ATP8A2: variants seen among roughly 807,000 people sequenced by gnomAD.
ATP8A2 encodes ATPase phospholipid transporting 8A2.
A neutral mutation model predicts 165.6 loss-of-function variants in ATP8A2; 100 were observed. That is an observed-to-expected ratio of 0.60 (90% confidence interval 0.51 to 0.71). ATP8A2 has a LOEUF of 0.71. Ranked by LOEUF, ATP8A2 falls within the 30% of genes least tolerant of loss-of-function variation. The pLI is 0.00. For missense variants in ATP8A2, 1,227 were observed against 1,479.5 expected (o/e 0.83, Z 2.80); for synonymous variants, 543 against 548.8 (o/e 0.99, Z 0.15).
intron 2 of ATP8A2, among the ~76,000 whole-genome samples, chr13:25,509,983 C>T (rs1348623606): frequency 2.6e-5 from 4 of 152,188 alleles, no homozygotes; most frequent in Non-Finnish European, 5.9e-5. Flanking sequence ...GAAAACACTG[C>T]TATGCTGGCT....
intron 25 of ATP8A2, among the ~76,000 whole-genome samples, chr13:25,759,357 C>G (rs996608649): frequency 3.9e-5 from 6 of 152,148 alleles, no homozygotes; most frequent in Non-Finnish European, 7.3e-5. Context: ...TGCATGAGCT[C>G]ACGATGCCTG....
intron 16 of ATP8A2, among the ~76,000 whole-genome samples, chr13:25,566,477 A>G (rs1321643050): frequency 6.6e-6 from 1 of 152,250 alleles, no homozygotes; most frequent in East Asian, 1.9e-4. Context: ...GAGGGTAACC[A>G]CAAAGGTGGG....
At chr13:25,810,493 G>A (rs1415761884) in intron 27 of ATP8A2, among the ~76,000 whole-genome samples, 1 of 150,268 alleles carries the variant, frequency 6.7e-6, no homozygotes, top group African/African-American at 2.4e-5. Context: ...TAAACATCTT[G>A]AGGGCAGAGA....
chr13:25,737,927 G>A (rs547765984), intron 25 of ATP8A2, among the ~76,000 whole-genome samples: 5 of 152,196 alleles, frequency 3.3e-5, no homozygotes, highest in South Asian at 4.1e-4. Flanking sequence ...CTCGTGATCC[G>A]CCCCTCTCGG....
chr13:25,911,038 T>G (rs769684136), intron 33 of ATP8A2, among the ~76,000 whole-genome samples: 2 of 152,020 alleles, frequency 1.3e-5, no homozygotes, highest in Non-Finnish European at 2.9e-5. Context: ...GGACCCAAGC[T>G]GTTTGCTTCA....
chr13:25,853,068 T>G (rs1332155509), intron 30 of ATP8A2, among the ~76,000 whole-genome samples: 1 of 152,044 alleles, frequency 6.6e-6, no homozygotes, highest in Non-Finnish European at 1.5e-5. Context: ...TGCTTAGAAC[T>G]GTGTAAAGTG....
intron 33 of ATP8A2, among the ~76,000 whole-genome samples, chr13:25,899,839 G>A (rs1399857116): frequency 5.9e-5 from 9 of 152,204 alleles, no homozygotes; most frequent in Non-Finnish European, 1.0e-4. Context: ...AAAATGACAT[G>A]CTCTGATGTC....
intron 25 of ATP8A2, among the ~76,000 whole-genome samples, chr13:25,746,628 G>A (rs1192229385): frequency 6.6e-6 from 1 of 152,178 alleles, no homozygotes; most frequent in Non-Finnish European, 1.5e-5. Context: ...GGGAAAGCTG[G>A]TGATCCCACA....
At chr13:25,672,421 C>T (rs1163826810) in intron 24 of ATP8A2, among the ~76,000 whole-genome samples, 2 of 152,098 alleles carry the variant, frequency 1.3e-5, no homozygotes, top group Non-Finnish European at 2.9e-5. Context: ...TGTTGTCTTG[C>T]TGGCAGAGTC....
intron 10 of ATP8A2, among the ~76,000 whole-genome samples, chr13:25,545,272 A>G (rs2038611790): frequency 6.6e-6 from 1 of 152,096 alleles, no homozygotes; most frequent in African/African-American, 2.4e-5. Context: ...GATCAGGATT[A>G]TTTAGTGTAT....
At chr13:25,522,129 C>G (rs2037691357) in intron 2 of ATP8A2, among the ~76,000 whole-genome samples, 1 of 152,010 alleles carries the variant, frequency 6.6e-6, no homozygotes, top group African/African-American at 2.4e-5. Flanking sequence ...CTTTGGTGTC[C>G]TCTTCAATTT....
intron 27 of ATP8A2, among the ~76,000 whole-genome samples, chr13:25,781,340 GA>G (rs764827253): frequency 6.6e-6 from 1 of 152,114 alleles, no homozygotes; most frequent in Non-Finnish European, 1.5e-5. Context: ...TTCAGTAGAT[GA>G]ATACTTTGAT....
intron 27 of ATP8A2, among the ~76,000 whole-genome samples, chr13:25,781,109 A>G (rs1263292870): frequency 2.6e-5 from 4 of 152,050 alleles, no homozygotes; most frequent in African/African-American, 4.8e-5. Context: ...AAAAAACACA[A>G]AAAATTAGCT....
intron 1 of ATP8A2, among the ~76,000 whole-genome samples, chr13:25,383,624 G>C (rs570826505): frequency 1.3e-5 from 2 of 152,152 alleles, no homozygotes; most frequent in Admixed American, 6.5e-5. Context: ...TACTTCTGGC[G>C]TTTCAAGGTA....
At chr13:26,004,731 T>G (rs945174084) in intron 35 of ATP8A2, among the ~76,000 whole-genome samples, 13 of 152,074 alleles carry the variant, frequency 8.5e-5, no homozygotes, top group African/African-American at 2.4e-4. Context: ...GATTGGCTTT[T>G]CTGCATCTAT....
intron 13 of ATP8A2, 32 bp from the exon 14 acceptor site, chr13:25,558,941 C>T (rs572068642): frequency 1.4e-6 from 2 of 1,419,830 alleles, no homozygotes; most frequent in East Asian, 2.3e-5. Context: ...TCAATACTTC[C>T]TGATGTATAT....
At chr13:25,613,597 C>A (rs2040747300) in intron 24 of ATP8A2, among the ~76,000 whole-genome samples, 1 of 152,170 alleles carries the variant, frequency 6.6e-6, no homozygotes, top group South Asian at 2.1e-4. Flanking sequence ...AAAAAACAAA[C>A]AAACACAAAA....
chr13:25,405,883 C>T (rs1228599517), intron 1 of ATP8A2, among the ~76,000 whole-genome samples: 1 of 152,230 alleles, frequency 6.6e-6, no homozygotes, highest in East Asian at 1.9e-4. Context: ...GCCTTCTCTG[C>T]TTCCCCTTTA....
chr13:25,961,564 A>G lies in ATP8A2; in HGVS notation c.3184-11A>G, dbSNP rs770341419. ...AAGTATTCAAGCAAGTGTCACTTCT[A>G]TTTCTTGCAGGCAACTATGGTCCTG... On this transcript the variant is annotated splice_polypyrimidine_tract_variant and intron_variant, in intron 33 of 36. Transcript: ENST00000381655. 60 of 1,604,192 alleles carry G rather than the reference A, an allele frequency of 3.7e-5. 2 individuals are homozygous for G. The South Asian group carries it at 5.4e-4, about 14-fold the overall frequency.
Sources: allele counts gnomAD v4.1 joint callset (sites outside exome capture counted in the v4.1 genomes callset), GRCh38; gene constraint gnomAD v4.1.1; transcripts MANE v1.5; gene names NCBI Gene and HGNC (gene_info 2026-07-23, HGNC 2026-07-21).